Variants in NBAS observed in about 807,000 individuals in gnomAD.
The protein encoded by NBAS is NAG/BC035112 fusion.
In NBAS, 219 loss-of-function variants were observed where a neutral mutation model predicts 302.5. The ratio of observed to expected loss-of-function variants is 0.72; its 90% confidence interval spans 0.65 to 0.81. NBAS has a LOEUF of 0.81. Ranked by LOEUF, NBAS falls within the 30% of genes least tolerant of loss-of-function variation. The pLI is 0.00. For synonymous variants in NBAS, 1,118 were observed against 1,021.6 expected, an observed-to-expected ratio of 1.09 and a Z score of -1.80; for missense variants, 2,932 against 2,841.6, an observed-to-expected ratio of 1.03 and a Z score of -0.72.
At chr2:15,445,376 A>T (rs1192090022) in intron 21 of NBAS, among the ~76,000 whole-genome samples, 1 of 149,688 alleles carries the variant, frequency 6.7e-6, no homozygotes, top group Non-Finnish European at 1.5e-5. Context: ...GAAATTGGAA[A>T]TCATCATTCT....
chr2:14,780,835 C>G, the NBAS span, among the ~76,000 whole-genome samples: 3 of 152,178 alleles, frequency 2.0e-5, no homozygotes, highest in African/African-American at 7.2e-5. Flanking sequence ...AGACTTGGAG[C>G]TTCTTAAGAA....
the NBAS span, among the ~76,000 whole-genome samples, chr2:14,834,268 C>A: frequency 6.6e-6 from 1 of 152,094 alleles, no homozygotes; most frequent in South Asian, 2.1e-4. Flanking sequence ...CAACATAAAG[C>A]CGAAATTTAT....
At chr2:15,100,823 T>C in the NBAS span, among the ~76,000 whole-genome samples, 1 of 152,196 alleles carries the variant, frequency 6.6e-6, no homozygotes, top group African/African-American at 2.4e-5. Context: ...GTCTGTATAG[T>C]TGGTGTGTCA....
the NBAS span, among the ~76,000 whole-genome samples, chr2:14,956,865 G>T: frequency 1.3e-5 from 2 of 152,206 alleles, no homozygotes; most frequent in Admixed American, 6.5e-5. Flanking sequence ...CATATCATGG[G>T]TTGAGGTATG....
the NBAS span, among the ~76,000 whole-genome samples, chr2:15,077,462 T>C: frequency 1.8e-4 from 27 of 152,302 alleles, no homozygotes; most frequent in African/African-American, 6.5e-4. Context: ...GTGTCAGTCA[T>C]TTGCTGGGCA....
At chr2:15,403,976 A>C (rs2148434122) in intron 25 of NBAS, among the ~76,000 whole-genome samples, 1 of 150,428 alleles carries the variant, frequency 6.6e-6, no homozygotes, top group East Asian at 2.0e-4. Flanking sequence ...CCTGGCCTCA[A>C]GTGATCCTCC....
intron 19 of NBAS, among the ~76,000 whole-genome samples, chr2:15,464,090 T>C (rs945864297): frequency 2.0e-5 from 3 of 152,148 alleles, no homozygotes; most frequent in Non-Finnish European, 4.4e-5. Flanking sequence ...ACACCACTCT[T>C]CTCTCTACTT....
chr2:15,445,022 G>A (rs369025178), intron 21 of NBAS, among the ~76,000 whole-genome samples: 2 of 150,412 alleles, frequency 1.3e-5, no homozygotes, highest in East Asian at 2.0e-4. Flanking sequence ...CTGGAGAGGA[G>A]GTGGAGAAAT....
At chr2:15,317,485 G>C (rs953432273) in intron 38 of NBAS, among the ~76,000 whole-genome samples, 1 of 152,154 alleles carries the variant, frequency 6.6e-6, no homozygotes, top group African/African-American at 2.4e-5. Context: ...TGCATTGCAA[G>C]GAAGCTAAAA....
At chr2:15,039,263 G>T in the NBAS span, among the ~76,000 whole-genome samples, 4 of 152,160 alleles carry the variant, frequency 2.6e-5, no homozygotes, top group Admixed American at 1.3e-4. Flanking sequence ...CGTTGCTGCG[G>T]TTGCACACTG....
the NBAS span, among the ~76,000 whole-genome samples, chr2:14,958,564 G>A: frequency 6.6e-6 from 1 of 152,110 alleles, no homozygotes; most frequent in Non-Finnish European, 1.5e-5. Flanking sequence ...AATGAGGGGT[G>A]GGAACCTGTA....
chr2:14,787,464 T>C, the NBAS span, among the ~76,000 whole-genome samples: 1 of 152,232 alleles, frequency 6.6e-6, no homozygotes, highest in Non-Finnish European at 1.5e-5. Flanking sequence ...TGGTACCGGC[T>C]CTTCCTTTCC....
the NBAS span, among the ~76,000 whole-genome samples, chr2:15,098,368 AATATATTATATATGATATATTGTATATT>A: frequency 0.2 from 6,435 of 32,336 alleles, 1,944 homozygotes; most frequent in East Asian, 0.36. Context: ...TATTGTATAT[AATATATTATATATGATATATTGTATATT>A]ATATATTATA....
the NBAS span, among the ~76,000 whole-genome samples, chr2:14,825,148 G>A: frequency 1.3e-5 from 2 of 152,182 alleles, no homozygotes; most frequent in African/African-American, 4.8e-5. Flanking sequence ...CATCTTTGCT[G>A]ATTCTGCCAC....
At chr2:15,384,315 C>T (rs1675184146) in intron 28 of NBAS, among the ~76,000 whole-genome samples, 1 of 152,174 alleles carries the variant, frequency 6.6e-6, no homozygotes, top group East Asian at 1.9e-4. Context: ...ATATTCTTGA[C>T]TTTCACTTTC....
chr2:15,021,077 C>A, the NBAS span, among the ~76,000 whole-genome samples: 2 of 151,962 alleles, frequency 1.3e-5, no homozygotes, highest in African/African-American at 4.8e-5. Context: ...ACTAAAAATA[C>A]AAAAATTAGC....
intron 21 of NBAS, among the ~76,000 whole-genome samples, chr2:15,452,461 G>T (rs1222048465): frequency 6.6e-6 from 1 of 151,544 alleles, no homozygotes; most frequent in Non-Finnish European, 1.5e-5. Context: ...GGTGGCGGGT[G>T]CCTGTAGTCC....
At chr2:14,821,720 C>T in the NBAS span, among the ~76,000 whole-genome samples, 3,322 of 152,068 alleles carry the variant, frequency 0.022, 50 homozygotes, top group Middle Eastern at 0.041. Context: ...TGGTTAGATA[C>T]ATCCAAAATG....
the NBAS span, among the ~76,000 whole-genome samples, chr2:15,106,399 C>T: frequency 6.6e-6 from 1 of 151,758 alleles, no homozygotes; most frequent in Non-Finnish European, 1.5e-5. Context: ...GTTTAACTTC[C>T]CACTAAATCT....
Sources: gnomAD v4.1 joint callset for allele counts (sites outside exome capture counted in the v4.1 genomes callset) on GRCh38, gnomAD v4.1.1 for gene constraint, MANE v1.5 for transcripts, NCBI Gene and HGNC (gene_info 2026-07-23, HGNC 2026-07-21) for gene names.